ATAD1: variants seen among roughly 807,000 people sequenced by gnomAD.
The protein encoded by ATAD1 is outer mitochondrial transmembrane helix translocase.
A neutral mutation model predicts 42.7 loss-of-function variants in ATAD1; 18 were observed. The observed-to-expected ratio is 0.42, with a 90% CI of 0.29 to 0.63. The LOEUF (loss-of-function observed/expected upper bound fraction) is 0.63. Ranked by LOEUF, ATAD1 falls within the 20% of genes least tolerant of loss-of-function variation. ATAD1 has a pLI of 0.19. For missense variants in ATAD1, 294 were observed against 440.4 expected (o/e 0.67, Z 2.98); for synonymous variants, 132 against 143.1 (o/e 0.92, Z 0.55).
At chr10:87,772,351 G>A (rs962389473) in intron 6 of ATAD1, among the ~76,000 whole-genome samples, 8 of 151,810 alleles carry the variant, frequency 5.3e-5, no homozygotes, top group Admixed American at 5.2e-4. Flanking sequence ...GGGCTCAAGC[G>A]ATCCTCCCCA....
chr10:87,840,593 C>T (rs1026292253), intron 1 of ATAD1, among the ~76,000 whole-genome samples: 6 of 152,202 alleles, frequency 3.9e-5, no homozygotes, highest in Non-Finnish European at 7.3e-5. Flanking sequence ...TTGGTTATTT[C>T]TACTGCAACT....
intron 2 of ATAD1, among the ~76,000 whole-genome samples, chr10:87,799,497 G>A (rs117808019): frequency 2.0e-5 from 3 of 152,134 alleles, no homozygotes; most frequent in Non-Finnish European, 2.9e-5. Context: ...AGTTCCTCCC[G>A]AAGTTAGTTC....
chr10:87,756,720 T>C, intron 9 of ATAD1, 69 bp downstream of exon 9: 1 of 1,412,930 alleles, frequency 7.1e-7, no homozygotes, highest in East Asian at 2.5e-5. Context: ...TAAAGCAAAA[T>C]AAAAGAAACT....
chr10:87,764,510 C>G (rs951231128), intron 8 of ATAD1, among the ~76,000 whole-genome samples: 4 of 152,056 alleles, frequency 2.6e-5, no homozygotes, highest in Non-Finnish European at 5.9e-5. Flanking sequence ...AGGTATCCAT[C>G]TAGAAAAACA....
chr10:87,793,539 T>A (rs1856231007), intron 2 of ATAD1, among the ~76,000 whole-genome samples: 1 of 152,194 alleles, frequency 6.6e-6, no homozygotes, highest in African/African-American at 2.4e-5. Flanking sequence ...AAGTTTAGCA[T>A]GATTAAGTAA....
intron 1 of ATAD1, among the ~76,000 whole-genome samples, chr10:87,836,945 A>T (rs548000217): frequency 6.6e-6 from 1 of 151,854 alleles, no homozygotes; most frequent in Non-Finnish European, 1.5e-5. Flanking sequence ...TTCCTCTCTC[A>T]TCTCCATTCT....
chr10:87,771,154 G>GT, intron 6 of ATAD1, 113 bp from the exon 7 acceptor site: 1 of 672,786 alleles, frequency 1.5e-6, no homozygotes, highest in Non-Finnish European at 2.4e-6. Context: ...TAAATCCTTT[G>GT]TAAGAAATCT....
chr10:87,787,170 CTTT>C (rs1855878948), intron 4 of ATAD1, among the ~76,000 whole-genome samples: 1 of 152,164 alleles, frequency 6.6e-6, no homozygotes, highest in Admixed American at 6.5e-5. Flanking sequence ...TAAATTAGTT[CTTT>C]GAGCTTAATC....
chr10:87,803,127 GTTT>G (rs2132009732), intron 2 of ATAD1, among the ~76,000 whole-genome samples: 1 of 152,200 alleles, frequency 6.6e-6, no homozygotes, highest in African/African-American at 2.4e-5. Flanking sequence ...TCCAGGATTT[GTTT>G]TTTGTTTTTT....
At chr10:87,816,926 A>G (rs1857442768) in intron 1 of ATAD1, among the ~76,000 whole-genome samples, 2 of 152,218 alleles carry the variant, frequency 1.3e-5, no homozygotes, top group South Asian at 4.1e-4. Context: ...TCTACTGGAT[A>G]TTCATTGAAC....
At chr10:87,756,385 T>C (rs1268254098) in intron 9 of ATAD1, among the ~76,000 whole-genome samples, 2 of 152,238 alleles carry the variant, frequency 1.3e-5, no homozygotes, top group Non-Finnish European at 2.9e-5. Context: ...GATTCTCAAC[T>C]TCACTATACT....
chr10:87,755,843 A>T (rs1854196963), intron 9 of ATAD1, among the ~76,000 whole-genome samples: 1 of 151,618 alleles, frequency 6.6e-6, no homozygotes, highest in African/African-American at 2.4e-5. Flanking sequence ...GAGAGGTTGC[A>T]GTGAGCCGAG....
chr10:87,829,754 A>G (rs2132107821), intron 1 of ATAD1, among the ~76,000 whole-genome samples: 1 of 152,314 alleles, frequency 6.6e-6, no homozygotes, highest in East Asian at 1.9e-4. Context: ...TGAAGATGTG[A>G]CTGAATTGCT....
chr10:87,763,346 A>G (rs1271726791), intron 8 of ATAD1, among the ~76,000 whole-genome samples: 2 of 151,974 alleles, frequency 1.3e-5, no homozygotes, highest in African/African-American at 2.4e-5. Flanking sequence ...TGCATACACT[A>G]TATGTTATTT....
At chr10:87,798,621 AG>A (rs1033781350) in intron 2 of ATAD1, among the ~76,000 whole-genome samples, 1 of 79,954 alleles carries the variant, frequency 1.3e-5, no homozygotes, top group African/African-American at 5.3e-5. Flanking sequence ...TAAAAGCTAT[AG>A]GGGGTGTGTG....
At chr10:87,815,588 T>C (rs1309246766) in intron 1 of ATAD1, among the ~76,000 whole-genome samples, 6 of 150,266 alleles carry the variant, frequency 4.0e-5, no homozygotes, top group Admixed American at 4.0e-4. Context: ...AGATAAAAGT[T>C]AGGTACTGCA....
Position 87,778,275 on chromosome 10 carries a change from C to A in ATAD1, c.584-1848G>T, listed in dbSNP as rs1177081652. Among the ~76,000 whole-genome samples the A allele has an allele frequency of 2.7e-5, 4 of 148,268 alleles. No homozygotes were observed. The East Asian group carries it at 5.9e-4, about 22-fold the overall frequency. On this transcript the variant is annotated intron_variant, in intron 5 of 9. Transcript: ENST00000680024. Reference sequence around the variant, plus strand: ...AACATGGCAAAACCCCTCCTCTATTCAAAAAAAAATTTTTTTTAAACAACT... The same window carrying A: ...AACATGGCAAAACCCCTCCTCTATTAAAAAAAAAATTTTTTTTAAACAACT...
chr10:87,818,405 A>G (rs1242057032), upstream of ATAD1: 2 of 295,278 alleles, frequency 6.8e-6, no homozygotes, highest in Non-Finnish European at 1.0e-5. Flanking sequence ...CTTTCTGCGA[A>G]GCCGGCGTGT....
chr10:87,762,992 A>T, intron 8 of ATAD1, among the ~76,000 whole-genome samples: 1 of 145,332 alleles, frequency 6.9e-6, no homozygotes, highest in Admixed American at 7.0e-5. Context: ...GAGGCAGGAG[A>T]ATCGCTTGAA....
Sources: gnomAD v4.1 joint callset for allele counts (sites outside exome capture counted in the v4.1 genomes callset) on GRCh38, gnomAD v4.1.1 for gene constraint, MANE v1.5 for transcripts, NCBI Gene and HGNC (gene_info 2026-07-23, HGNC 2026-07-21) for gene names.